MAPK10: variants seen among roughly 807,000 people sequenced by gnomAD.
MAPK10 encodes JNK3 alpha protein kinase.
Under a neutral mutation model 59.3 loss-of-function variants are expected in MAPK10, and 25 were observed. That is an observed-to-expected ratio of 0.42 (90% confidence interval 0.31 to 0.59). The LOEUF is 0.59. MAPK10 is among the 20% of genes least tolerant of loss of function. The pLI is 0.15. For missense variants in MAPK10, 351 were observed against 568.9 expected (o/e 0.62, Z 3.90); for synonymous variants, 190 against 200.5 (o/e 0.95, Z 0.44).
intron 3 of MAPK10, among the ~76,000 whole-genome samples, chr4:86,168,082 C>T (rs2072500776): frequency 6.6e-6 from 1 of 152,160 alleles, no homozygotes; most frequent in Admixed American, 6.5e-5. Flanking sequence ...GAGAGGACAG[C>T]CAAGATGGCC....
rs567958378 is a variant in MAPK10 at position 86,097,777 on chromosome 4, T to C, written c.802+747A>G. 2.0e-5 allele frequency among the ~76,000 whole-genome samples: 3 copies of C among 152,246 alleles called. No individual in the cohort carries two copies. The South Asian group carries it at 6.2e-4, about 32-fold the overall frequency. On this transcript the variant is annotated intron_variant, in intron 9 of 13. Coordinates refer to ENST00000641462, the MANE Select transcript of MAPK10 (RefSeq NM_138982.4). ...GCCATTTAAGAAATGTATCAGTTCATTTGATAATTCCAAATCATAGATAGC... is the reference window on the plus strand; with the variant it reads ...GCCATTTAAGAAATGTATCAGTTCACTTGATAATTCCAAATCATAGATAGC...
intron 1 of MAPK10, among the ~76,000 whole-genome samples, chr4:86,593,187 G>A (rs1203246304): frequency 1.3e-5 from 2 of 152,190 alleles, no homozygotes; most frequent in Non-Finnish European, 2.9e-5. Context: ...AGCCTCAGGG[G>A]CTAGGGAACC....
chr4:86,254,905 G>A (rs565766156), intron 2 of MAPK10, among the ~76,000 whole-genome samples: 4 of 152,094 alleles, frequency 2.6e-5, no homozygotes, highest in African/African-American at 4.8e-5. Flanking sequence ...ATACCAAAAC[G>A]CTTGCTCTGA....
At chr4:86,206,704 C>T (rs542689343) in intron 2 of MAPK10, among the ~76,000 whole-genome samples, 2 of 152,292 alleles carry the variant, frequency 1.3e-5, no homozygotes, top group African/African-American at 4.8e-5. Flanking sequence ...CTCTCCAGCA[C>T]CTGTCATTTC....
chr4:86,346,348 T>C (rs754238495), intron 2 of MAPK10, among the ~76,000 whole-genome samples: 77 of 152,200 alleles, frequency 5.1e-4, no homozygotes, highest in Non-Finnish European at 2.5e-4. Flanking sequence ...TCCTCCCATA[T>C]ACTTTGTCAA....
chr4:86,528,336 T>C (rs1461656349), intron 1 of MAPK10, among the ~76,000 whole-genome samples: 1 of 151,594 alleles, frequency 6.6e-6, no homozygotes, highest in Non-Finnish European at 1.5e-5. Flanking sequence ...AATTCCATGA[T>C]ATTTTCAGAA....
At chr4:86,312,407 A>C (rs535418193) in intron 2 of MAPK10, among the ~76,000 whole-genome samples, 1 of 152,174 alleles carries the variant, frequency 6.6e-6, no homozygotes, top group East Asian at 1.9e-4. Flanking sequence ...TGTCCTTCCA[A>C]GTGCTCCTTA....
chr4:86,067,639 C>T, intron 10 of MAPK10, 134 bp downstream of exon 10: 1 of 757,578 alleles, frequency 1.3e-6, no homozygotes. Flanking sequence ...CTATATCCCA[C>T]AAAAATGTAC....
At chr4:86,246,629 C>T (rs1038229978) in intron 2 of MAPK10, among the ~76,000 whole-genome samples, 4 of 152,182 alleles carry the variant, frequency 2.6e-5, no homozygotes, top group African/African-American at 4.8e-5. Context: ...TAGTAGTTTA[C>T]ATCTAATAAC....
At chr4:86,583,942 C>A (rs1162164941) in intron 1 of MAPK10, among the ~76,000 whole-genome samples, 1 of 152,058 alleles carries the variant, frequency 6.6e-6, no homozygotes, top group Non-Finnish European at 1.5e-5. Flanking sequence ...CTGGTGATTT[C>A]TCAAAGAAAG....
intron 1 of MAPK10, among the ~76,000 whole-genome samples, chr4:86,546,679 C>T (rs1310344681): frequency 6.6e-6 from 1 of 152,164 alleles, no homozygotes; most frequent in East Asian, 1.9e-4. Flanking sequence ...GAGGCCAGCC[C>T]TACTCCAAAA....
intron 2 of MAPK10, among the ~76,000 whole-genome samples, chr4:86,209,444 T>C (rs749062349): frequency 6.6e-6 from 1 of 152,058 alleles, no homozygotes; most frequent in Non-Finnish European, 1.5e-5. Context: ...CTGGAGTCTA[T>C]TGAAGGCTCG....
chr4:86,099,107 A>G (rs1357468997), intron 8 of MAPK10: 1 of 152,536 alleles, frequency 6.6e-6, no homozygotes, highest in African/African-American at 2.4e-5. Context: ...CAAATCCAAT[A>G]AACCAGGAAA....
intron 3 of MAPK10, among the ~76,000 whole-genome samples, chr4:86,168,984 C>A (rs2073020648): frequency 6.6e-6 from 1 of 152,142 alleles, no homozygotes; most frequent in African/African-American, 2.4e-5. Flanking sequence ...CAAACTCCAA[C>A]AGACCTGCAG....
At chr4:86,382,799 A>C (rs971894644) in intron 1 of MAPK10, among the ~76,000 whole-genome samples, 2 of 152,134 alleles carry the variant, frequency 1.3e-5, no homozygotes, top group African/African-American at 4.8e-5. Flanking sequence ...TCTGTTTCTC[A>C]GTAGTGTCAG....
intron 2 of MAPK10, chr4:86,352,103 T>G (rs933265165): frequency 6.6e-6 from 1 of 152,092 alleles, no homozygotes; most frequent in Admixed American, 6.5e-5. Flanking sequence ...GGAATGTAAA[T>G]TGATGCAACT....
intron 1 of MAPK10, among the ~76,000 whole-genome samples, chr4:86,524,399 C>T (rs1455181561): frequency 6.6e-6 from 1 of 152,134 alleles, no homozygotes; most frequent in Non-Finnish European, 1.5e-5. Flanking sequence ...TCACTTCTAC[C>T]TTACCTTCCA....
At chr4:86,580,250 GC>G (rs922523601) in intron 1 of MAPK10, among the ~76,000 whole-genome samples, 11 of 152,124 alleles carry the variant, frequency 7.2e-5, no homozygotes, top group African/African-American at 2.2e-4. Context: ...TGTAATCCCA[GC>G]ACTTTGGGAG....
chr4:86,242,037 TTGGTGG>T (rs1216126239), intron 2 of MAPK10, among the ~76,000 whole-genome samples: 2 of 151,884 alleles, frequency 1.3e-5, no homozygotes, highest in African/African-American at 4.8e-5. Flanking sequence ...TTTGTTGTTG[TTGGTGG>T]TGGTGGTGGT....
Sources: allele counts gnomAD v4.1 joint callset (sites outside exome capture counted in the v4.1 genomes callset), GRCh38; gene constraint gnomAD v4.1.1; transcripts MANE v1.5; gene names NCBI Gene and HGNC (gene_info 2026-07-23, HGNC 2026-07-21).